Variants in TPH2 observed in about 807,000 individuals in gnomAD.
The protein encoded by TPH2 is tryptophan hydroxylase 2, also known as tryptophan 5-hydroxylase 2.
TPH2 carries 27 observed loss-of-function variants against 59.1 expected under a neutral mutation model. The ratio of observed to expected loss-of-function variants is 0.46; its 90% CI spans 0.34 to 0.63. The LOEUF (loss-of-function observed/expected upper bound fraction) is 0.63. Ranked by LOEUF, TPH2 falls within the 30% of genes least tolerant of loss-of-function variation. TPH2 has a pLI of 0.01. For synonymous variants in TPH2, 220 were observed against 210.5 expected (o/e 1.05, Z -0.39); for missense variants, 523 against 588.3 (o/e 0.89, Z 1.15).
At chr12:71,972,739 C>T (rs760223699) in intron 6 of TPH2, 24 bp downstream of exon 6, 1 of 1,609,262 alleles carries the variant, frequency 6.2e-7, no homozygotes, top group Non-Finnish European at 8.5e-7. Context: ...CAGGCTGTCT[C>T]TTATTAGTCA....
intron 4 of TPH2, among the ~76,000 whole-genome samples, chr12:71,949,294 A>G (rs1871281134): frequency 2.6e-5 from 4 of 152,224 alleles, no homozygotes; most frequent in African/African-American, 7.2e-5. Flanking sequence ...ATGATATTTG[A>G]AAACCTAAAG....
chr12:72,024,413 A>C, intron 9 of TPH2, among the ~76,000 whole-genome samples: 1 of 152,208 alleles, frequency 6.6e-6, no homozygotes, highest in Non-Finnish European at 1.5e-5. Context: ...CTAACAAAAA[A>C]CTGATGACCT....
intron 8 of TPH2, 80 bp downstream of exon 8, chr12:71,994,645 G>T: frequency 9.1e-6 from 14 of 1,546,174 alleles, no homozygotes; most frequent in Non-Finnish European, 1.2e-5. Flanking sequence ...TATTGACTAT[G>T]AGTTATAGGT....
At chr12:71,960,362 T>C (rs1469276131) in intron 5 of TPH2, among the ~76,000 whole-genome samples, 1 of 152,252 alleles carries the variant, frequency 6.6e-6, no homozygotes, top group East Asian at 1.9e-4. Flanking sequence ...ACCAATAGAA[T>C]TAAGTGACTT....
chr12:72,005,227 T>A (rs1200851958), intron 8 of TPH2, among the ~76,000 whole-genome samples: 1 of 152,042 alleles, frequency 6.6e-6, no homozygotes, highest in Non-Finnish European at 1.5e-5. Flanking sequence ...GTGCTCATCA[T>A]TTTTTTCAGG....
intron 9 of TPH2, among the ~76,000 whole-genome samples, chr12:72,028,439 G>A (rs1353981549): frequency 1.3e-5 from 2 of 152,150 alleles, no homozygotes; most frequent in African/African-American, 2.4e-5. Flanking sequence ...GGCAATAGAA[G>A]TTGGAATCAA....
At chr12:71,961,985 A>G (rs1231671740) in intron 5 of TPH2, 1 of 1,032,896 alleles carries the variant, frequency 9.7e-7, no homozygotes. Flanking sequence ...AGACTCATTT[A>G]CGAAAATTCA....
intron 5 of TPH2, 78 bp downstream of exon 5, chr12:71,949,733 C>T: frequency 2.4e-6 from 3 of 1,270,014 alleles, no homozygotes; most frequent in Non-Finnish European, 3.4e-6. Context: ...CCTGTCATCT[C>T]TTCACTTTAA....
chr12:71,991,880 A>T (rs993950476), intron 7 of TPH2, among the ~76,000 whole-genome samples: 3 of 152,206 alleles, frequency 2.0e-5, no homozygotes, highest in Non-Finnish European at 4.4e-5. Flanking sequence ...TGTAGTTTTA[A>T]GTACTAGTTG....
At chr12:71,955,234 C>T (rs957448858) in intron 5 of TPH2, among the ~76,000 whole-genome samples, 5 of 152,168 alleles carry the variant, frequency 3.3e-5, no homozygotes, top group African/African-American at 9.7e-5. Flanking sequence ...CAAATCATCC[C>T]TTAACATTGC....
At chr12:71,990,530 T>G (rs1872557053) in intron 7 of TPH2, among the ~76,000 whole-genome samples, 1 of 152,248 alleles carries the variant, frequency 6.6e-6, no homozygotes, top group Admixed American at 6.5e-5. Context: ...TGTAAACTTT[T>G]CAAAGTTAAT....
At chr12:71,956,121 G>A (rs1261325995) in intron 5 of TPH2, among the ~76,000 whole-genome samples, 2 of 152,210 alleles carry the variant, frequency 1.3e-5, no homozygotes, top group African/African-American at 2.4e-5. Flanking sequence ...GTTTAGCAAC[G>A]TGGCCTCTCT....
intron 5 of TPH2, among the ~76,000 whole-genome samples, chr12:71,959,105 G>A (rs1358546127): frequency 6.7e-6 from 1 of 148,984 alleles, no homozygotes; most frequent in African/African-American, 2.5e-5. Flanking sequence ...ATACTGCCAA[G>A]TACTACATGA....
chr12:71,971,942 G>A (rs1871984168), intron 5 of TPH2, among the ~76,000 whole-genome samples: 1 of 152,138 alleles, frequency 6.6e-6, no homozygotes, highest in South Asian at 2.1e-4. Flanking sequence ...CTTAATGTGT[G>A]TATCTTTCAG....
chr12:72,023,376 T>A (rs1873475639), intron 9 of TPH2, among the ~76,000 whole-genome samples: 1 of 152,228 alleles, frequency 6.6e-6, no homozygotes, highest in Non-Finnish European at 1.5e-5. Context: ...GCCATTTGCA[T>A]TATTGAAAGA....
At chr12:71,989,220 T>C (rs1324291275) in intron 7 of TPH2, among the ~76,000 whole-genome samples, 1 of 152,194 alleles carries the variant, frequency 6.6e-6, no homozygotes, top group African/African-American at 2.4e-5. Flanking sequence ...AGTATGCTAT[T>C]TTAAATCTAA....
At chr12:71,973,398 A>G (rs1872028010) in intron 6 of TPH2, among the ~76,000 whole-genome samples, 1 of 152,208 alleles carries the variant, frequency 6.6e-6, no homozygotes, top group African/African-American at 2.4e-5. Context: ...CTCGTTATAC[A>G]CTAATCATAA....
At chr12:72,021,013 G>A (rs867144397) in intron 8 of TPH2, among the ~76,000 whole-genome samples, 5 of 111,112 alleles carry the variant, frequency 4.5e-5, no homozygotes, top group East Asian at 2.5e-4. Flanking sequence ...AAACTGACAC[G>A]TGCTGGAAAT....
intron 8 of TPH2, among the ~76,000 whole-genome samples, chr12:71,995,478 C>T (rs1373696659): frequency 6.6e-6 from 1 of 152,154 alleles, no homozygotes; most frequent in African/African-American, 2.4e-5. Context: ...TCTTCATTTC[C>T]ACCCAGAAAT....
Sources: gnomAD v4.1 joint callset for allele counts (sites outside exome capture counted in the v4.1 genomes callset) on GRCh38, gnomAD v4.1.1 for gene constraint, MANE v1.5 for transcripts, NCBI Gene and HGNC (gene_info 2026-07-23, HGNC 2026-07-21) for gene names.